SOX5: variants seen among roughly 807,000 people sequenced by gnomAD.
The protein encoded by SOX5 is transcription factor SOX-5.
In SOX5, 9 loss-of-function variants were observed where a neutral mutation model predicts 92.0. That is an observed-to-expected ratio of 0.10 (90% CI 0.06 to 0.17). SOX5 has a LOEUF of 0.17. Among genes scored for constraint, SOX5 ranks in the 10% least tolerant of loss-of-function variants. The probability of loss-of-function intolerance (pLI) is 1.00; values close to 1 mark genes in which losing one functional copy is unlikely to be tolerated. For missense variants in SOX5, 642 were observed against 944.5 expected, an observed-to-expected ratio of 0.68 and a Z score of 4.20; for synonymous variants, 344 against 336.3, an observed-to-expected ratio of 1.02 and a Z score of -0.25.
chr12:23,932,311 G>C (rs1941620365), intron 1 of SOX5, among the ~76,000 whole-genome samples: 1 of 151,588 alleles, frequency 6.6e-6, no homozygotes, highest in Non-Finnish European at 1.5e-5. Flanking sequence ...AGAGATGGCA[G>C]GGTGCTATTT....
intron 8 of SOX5, among the ~76,000 whole-genome samples, chr12:23,614,021 T>C (rs1168882154): frequency 6.6e-6 from 1 of 152,152 alleles, no homozygotes; most frequent in Non-Finnish European, 1.5e-5. Flanking sequence ...CCTGTGTCCC[T>C]CCTCTTCCCA....
chr12:23,696,322 G>T (rs2089854734), intron 6 of SOX5, among the ~76,000 whole-genome samples: 1 of 151,988 alleles, frequency 6.6e-6, no homozygotes, highest in Admixed American at 6.6e-5. Context: ...GGTATTCAGG[G>T]CATGCATTTC....
intron 3 of SOX5, among the ~76,000 whole-genome samples, chr12:23,769,655 A>T (rs1016985565): frequency 1.3e-5 from 2 of 152,188 alleles, no homozygotes; most frequent in Non-Finnish European, 2.9e-5. Context: ...ATGATAAGAT[A>T]TATGTTGAAT....
At chr12:23,676,391 A>G (rs1245237255) in intron 6 of SOX5, among the ~76,000 whole-genome samples, 1 of 152,198 alleles carries the variant, frequency 6.6e-6, no homozygotes, top group Non-Finnish European at 1.5e-5. Context: ...ATGAACCCCT[A>G]AAAAAGCTAC....
intron 1 of SOX5, among the ~76,000 whole-genome samples, chr12:24,427,236 T>C (rs1966846526): frequency 6.6e-6 from 1 of 152,236 alleles, no homozygotes; most frequent in South Asian, 2.1e-4. Context: ...TTATGCCTTT[T>C]CTATATAAGA....
intron 2 of SOX5, among the ~76,000 whole-genome samples, chr12:24,281,758 G>C (rs1481085886): frequency 1.3e-5 from 2 of 152,336 alleles, no homozygotes; most frequent in East Asian, 3.9e-4. Flanking sequence ...AAGCATGAGG[G>C]GGATGGGGAA....
chr12:23,612,345 G>T (rs1340400945), intron 8 of SOX5, among the ~76,000 whole-genome samples: 1 of 152,056 alleles, frequency 6.6e-6, no homozygotes, highest in Non-Finnish European at 1.5e-5. Flanking sequence ...TGACCAATGA[G>T]ATTGTTTAGT....
intron 3 of SOX5, among the ~76,000 whole-genome samples, chr12:23,836,751 T>C (rs900563281): frequency 6.6e-6 from 1 of 151,924 alleles, no homozygotes; most frequent in Non-Finnish European, 1.5e-5. Flanking sequence ...CTTAATGAAA[T>C]TTTCATCACA....
chr12:23,616,431 AG>A (rs1309927988), intron 8 of SOX5, among the ~76,000 whole-genome samples: 1 of 152,216 alleles, frequency 6.6e-6, no homozygotes, highest in South Asian at 2.1e-4. Context: ...GAAAGTGGGA[AG>A]GGTTGTCACT....
At chr12:23,841,258 G>A (rs2096510967) in intron 3 of SOX5, among the ~76,000 whole-genome samples, 1 of 152,052 alleles carries the variant, frequency 6.6e-6, no homozygotes, top group Non-Finnish European at 1.5e-5. Context: ...AAAACAAGGA[G>A]ATACTACTAC....
rs386375924 is a variant in SOX5 at position 24,506,784 on chromosome 12, C to CTT, written c.-251+55543_-251+55544dup. On this transcript the variant is annotated intron_variant, in intron 1 of 4. Transcript: ENST00000446891. ...CTGTATTTCATGGTATCCAAATGGT[C>CTT]TTTTTTTTTTTTTTTTTTTTTTGGA... 6.4e-3 allele frequency among the ~76,000 whole-genome samples: 519 copies of CTT among 81,722 alleles called. 31 individuals carry two copies. The highest frequency in any genetic ancestry group is 0.011 in the Middle Eastern group (1 of 88). 53.6% of individuals were successfully genotyped at this position (81,722 alleles called of 152,430 possible). A position where few individuals can be genotyped will look rare whatever the true frequency, so the allele number is the denominator to read the frequency against.
intron 3 of SOX5, among the ~76,000 whole-genome samples, chr12:23,771,436 A>G (rs1030735974): frequency 9.9e-5 from 15 of 152,184 alleles, no homozygotes. Flanking sequence ...GGCCGAGTAC[A>G]GTCACTATAT....
chr12:24,243,880 A>G (rs1938011514), intron 3 of SOX5, among the ~76,000 whole-genome samples: 1 of 152,154 alleles, frequency 6.6e-6, no homozygotes, highest in Admixed American at 6.5e-5. Flanking sequence ...TAATTTTCAA[A>G]TAGCCAAAAA....
At chr12:23,691,584 T>C (rs2088822121) in intron 6 of SOX5, among the ~76,000 whole-genome samples, 1 of 152,186 alleles carries the variant, frequency 6.6e-6, no homozygotes, top group African/African-American at 2.4e-5. Context: ...TCTTCCACTT[T>C]TCTAATTGAA....
chr12:23,537,180 A>G (rs535558150), intron 13 of SOX5, among the ~76,000 whole-genome samples: 2 of 152,228 alleles, frequency 1.3e-5, no homozygotes, highest in South Asian at 4.1e-4. Context: ...AATTCCTTTG[A>G]TTAAACATTT....
At chr12:23,687,460 C>T (rs897995524) in intron 6 of SOX5, among the ~76,000 whole-genome samples, 1 of 151,968 alleles carries the variant, frequency 6.6e-6, no homozygotes, top group African/African-American at 2.4e-5. Context: ...TTCGGATAAG[C>T]TGATCCTAAA....
chr12:24,278,951 G>C (rs11047347), intron 2 of SOX5, among the ~76,000 whole-genome samples: 26,433 of 148,342 alleles, frequency 0.18, 2,529 homozygotes, highest in Middle Eastern at 0.25. Flanking sequence ...TACCACAATT[G>C]TGTTTACTAA....
At chr12:24,465,798 G>C (rs1424938981) in intron 1 of SOX5, among the ~76,000 whole-genome samples, 1 of 152,134 alleles carries the variant, frequency 6.6e-6, no homozygotes, top group South Asian at 2.1e-4. Context: ...AGTTGTTGAC[G>C]GCAAATCATT....
intron 9 of SOX5, among the ~76,000 whole-genome samples, chr12:23,603,447 T>TATATATATATATATATAAAAA (rs1555193706): frequency 4.2e-5 from 3 of 70,680 alleles, no homozygotes; most frequent in South Asian, 3.5e-4. Flanking sequence ...ATATATAAAA[T>TATATATATATATATATAAAAA]ATATATATAT....
Sources: allele counts gnomAD v4.1 joint callset (sites outside exome capture counted in the v4.1 genomes callset), GRCh38; gene constraint gnomAD v4.1.1; transcripts MANE v1.5; gene names NCBI Gene and HGNC (gene_info 2026-07-23, HGNC 2026-07-21).